Variants in N4BP1 observed in about 807,000 individuals in gnomAD.
N4BP1 encodes the protein NEDD4 binding protein 1, also known as NEDD4-binding protein 1.
In N4BP1, 21 loss-of-function variants were observed where a neutral mutation model predicts 70.9. The ratio of observed to expected loss-of-function variants is 0.30; its 90% CI spans 0.21 to 0.43. The LOEUF is 0.43. Ranked by LOEUF, N4BP1 falls within the 20% of genes least tolerant of loss-of-function variation. The pLI is 1.00. For synonymous variants in N4BP1, 387 were observed against 394.6 expected (o/e 0.98, Z 0.23); for missense variants, 936 against 1,069.4 (o/e 0.88, Z 1.74).
intron 1 of N4BP1, among the ~76,000 whole-genome samples, chr16:48,563,449 C>T (rs536258672): frequency 6.6e-6 from 1 of 151,448 alleles, no homozygotes; most frequent in East Asian, 1.9e-4. Flanking sequence ...TTCTAGTCAC[C>T]CAGGCTGGAG....
intron 1 of N4BP1, chr16:48,578,038 TGCTG>T (rs1224136416): frequency 6.4e-6 from 1 of 155,816 alleles, no homozygotes; most frequent in African/African-American, 2.4e-5. Flanking sequence ...GAACCTGATG[TGCTG>T]GCTGATGCAC....
At chr16:48,579,629 C>T (rs767269494) in intron 1 of N4BP1, among the ~76,000 whole-genome samples, 1 of 149,986 alleles carries the variant, frequency 6.7e-6, no homozygotes, top group South Asian at 2.1e-4. Flanking sequence ...TCTAACCAAG[C>T]AACTGTATTC....
chr16:48,555,094 C>T (rs1392138467), intron 2 of N4BP1, among the ~76,000 whole-genome samples: 3 of 152,300 alleles, frequency 2.0e-5, no homozygotes, highest in South Asian at 4.1e-4. Flanking sequence ...CTTGCTCCTT[C>T]TTCAAATGCC....
chr16:48,587,695 C>T (rs1707792353), intron 1 of N4BP1, among the ~76,000 whole-genome samples: 1 of 152,168 alleles, frequency 6.6e-6, no homozygotes, highest in Non-Finnish European at 1.5e-5. Context: ...TTGTGCAACC[C>T]AGGCCATATC....
chr16:48,560,296 C>A (rs1963833946), intron 2 of N4BP1, among the ~76,000 whole-genome samples: 1 of 152,112 alleles, frequency 6.6e-6, no homozygotes, highest in South Asian at 2.1e-4. Flanking sequence ...ATTGCCATTG[C>A]TCTATCCACA....
intron 2 of N4BP1, among the ~76,000 whole-genome samples, chr16:48,554,436 C>G (rs982847028): frequency 6.6e-6 from 1 of 152,188 alleles, no homozygotes; most frequent in African/African-American, 2.4e-5. Context: ...CCCCTCCATC[C>G]ATAACACATT....
rs113197171 is a variant in N4BP1, at chr16:48,581,217, G to A, written c.199-18773C>T. The stretch of plus-strand genomic sequence containing the variant: ...GATCAGTTCAATGAATGCCAAAAAA[G>A]CATTTGATAAAATCCCATGCCTTTT... On this transcript the variant is annotated intron_variant, in intron 1 of 6. Transcript: ENST00000262384. 2.7e-5 allele frequency among the ~76,000 whole-genome samples: 4 copies of A among 150,320 alleles called. No homozygotes were observed. The South Asian group carries it at 8.4e-4, about 32-fold the overall frequency.
intron 3 of N4BP1, 52 bp from the exon 4 acceptor site, chr16:48,551,534 A>T: frequency 7.8e-7 from 1 of 1,276,628 alleles, no homozygotes; most frequent in Non-Finnish European, 1.1e-6. Flanking sequence ...ATCTTCCCAA[A>T]TGTATCAAGA....
rs1009538573 is a variant in N4BP1 at position 48,610,163 on chromosome 16, C to G, written c.-191G>C. 5.8e-6 allele frequency: 1 copy of G among 171,358 alleles called. No individual in the cohort carries two copies. The highest frequency in any genetic ancestry group is 2.4e-5 in the African/African-American group (1 of 41,708). The allele number at this position is 171,358 out of a possible 1,614,324, so 10.6% of individuals were successfully genotyped here. On this transcript the variant is annotated 5_prime_UTR_variant, in exon 1 of 7. Coordinates refer to ENST00000262384, the MANE Select transcript of N4BP1 (RefSeq NM_153029.4). ...CACGACCGCAGCAGCTTGGCAATTG[C>G]TGGCAGCGAACCCCTCCGCCCCTTT...
chr16:48,549,495 G>C (rs1030342304), intron 4 of N4BP1, among the ~76,000 whole-genome samples: 6 of 152,230 alleles, frequency 3.9e-5, no homozygotes, highest in Non-Finnish European at 8.8e-5. Context: ...GCTGGTGTTA[G>C]AATGAAGCTG....
At chr16:48,576,924 G>C (rs1477186026) in intron 1 of N4BP1, among the ~76,000 whole-genome samples, 2 of 151,382 alleles carry the variant, frequency 1.3e-5, no homozygotes, top group African/African-American at 2.5e-5. Context: ...TTAGAGACAG[G>C]GTTTTGCTCT....
In N4BP1 at chr16:48,591,508, T is replaced by C. The variant is rs768644220; in HGVS notation, c.198+18267A>G. On this transcript the variant is annotated intron_variant, in intron 1 of 6. Transcript: ENST00000262384. The stretch of plus-strand genomic sequence containing the variant: ...TGGCAAAGTTCAAAAGCCAGAAATA[T>C]TGACTGTCCTGGCTAGAGTCTGATA... 3.9e-5 allele frequency among the ~76,000 whole-genome samples: 6 copies of C among 152,252 alleles called. No individual in the cohort carries two copies. The East Asian group carries it at 5.8e-4, about 15-fold the overall frequency.
At chr16:48,564,357 G>C (rs781095910) in intron 1 of N4BP1, among the ~76,000 whole-genome samples, 1 of 152,136 alleles carries the variant, frequency 6.6e-6, no homozygotes, top group Non-Finnish European at 1.5e-5. Context: ...GAAGGTGTGA[G>C]GGTTAGCTTG....
chr16:48,573,196 G>A (rs1964046840), intron 1 of N4BP1, among the ~76,000 whole-genome samples: 1 of 151,896 alleles, frequency 6.6e-6, no homozygotes, highest in South Asian at 2.1e-4. Context: ...AGTACTTGGC[G>A]CTGCACTGGG....
intron 2 of N4BP1, among the ~76,000 whole-genome samples, chr16:48,558,069 C>G (rs1416564709): frequency 2.6e-5 from 4 of 152,078 alleles, no homozygotes; most frequent in African/African-American, 9.7e-5. Context: ...ACATCTAGTT[C>G]CAAAATGTTT....
intron 1 of N4BP1, among the ~76,000 whole-genome samples, chr16:48,579,291 A>C (rs1447364998): frequency 1.3e-5 from 2 of 152,224 alleles, no homozygotes; most frequent in Non-Finnish European, 2.9e-5. Flanking sequence ...TAAGAGGGAA[A>C]GAATGGCCAA....
At position 48,560,952 on chromosome 16, in the gene N4BP1, G is replaced by A. The variant is rs1215770873; in HGVS notation, c.1691C>T (p.Pro564Leu). 1.9e-6 allele frequency: 3 copies of A among 1,613,872 alleles called. No homozygotes were observed. The highest frequency in any genetic ancestry group is 1.1e-5 in the South Asian group (1 of 91,086). The change falls in exon 2 of 7, where the codon CCA (proline) becomes CTA (leucine). Residue 564 changes from proline to leucine, a missense_variant. Physicochemically the swap from Pro to Leu is moderately conservative, Grantham distance 98. Transcript: ENST00000262384. ...SKPNCSTLSP[P>L]MPLPQLLPSV... ...AGGTAACAGCTGGGGCAGTGGCATT[G>A]GTGGAGAAAGGGTTGAGCAATTTGG...
chr16:48,562,547 CACAA>C, intron 1 of N4BP1, 103 bp from the exon 2 acceptor site: 1 of 922,186 alleles, frequency 1.1e-6, no homozygotes, highest in Non-Finnish European at 1.6e-6. Flanking sequence ...TTATAAAAAT[CACAA>C]GCATGTTTGT....
chr16:48,557,801 C>T (rs1017999996), intron 2 of N4BP1, among the ~76,000 whole-genome samples: 2 of 152,146 alleles, frequency 1.3e-5, no homozygotes, highest in Non-Finnish European at 2.9e-5. Context: ...TTTAATTCAT[C>T]AACAAGTTTT....
Sources: allele counts gnomAD v4.1 joint callset (sites outside exome capture counted in the v4.1 genomes callset), GRCh38; gene constraint gnomAD v4.1.1; transcripts MANE v1.5; gene names NCBI Gene and HGNC (gene_info 2026-07-23, HGNC 2026-07-21).